Variants in HEXA observed in about 807,000 individuals in gnomAD.
HEXA encodes the protein beta-hexosaminidase subunit alpha.
A neutral mutation model predicts 73.3 loss-of-function variants in HEXA; 54 were observed. That is an observed-to-expected ratio of 0.74 (90% CI 0.59 to 0.92). HEXA has a LOEUF of 0.92. Among genes scored for constraint, HEXA ranks in the 40% least tolerant of loss-of-function variants. HEXA has a pLI of 0.00. For missense variants in HEXA, 649 were observed against 653.0 expected (o/e 0.99, Z 0.07); for synonymous variants, 230 against 246.9 (o/e 0.93, Z 0.64).
At position 72,345,629 on chromosome 15, in the gene HEXA, T is replaced by C. The variant is rs549005222; in HGVS notation, c.1422-79A>G. 3.4e-4 allele frequency: 545 copies of C among 1,580,582 alleles called. 5 individuals carry two copies. In the South Asian group the frequency reaches 6.0e-3, roughly 17 times the overall value. The stretch of plus-strand genomic sequence containing the variant: ...CTGGACATCCACAGGCTGCTACCTC[T>C]TGTCTAGGCACCCTGGACTCACTCA... On this transcript the variant is annotated intron_variant, in intron 12 of 13. Transcript: ENST00000268097.
chr15:72,344,692 C>G (rs914793122), intron 13 of HEXA, among the ~76,000 whole-genome samples: 8 of 152,178 alleles, frequency 5.3e-5, no homozygotes, highest in African/African-American at 1.9e-4. Context: ...AGAGAACCAG[C>G]TGGAAGTTAC....
Position 72,375,891 on chromosome 15 carries a change from G to A in HEXA, c.82C>T (p.Gln28Ter), listed in dbSNP as rs751393950. The stretch of plus-strand genomic sequence containing the variant: ...CGCTGGTCGGAGGTTTGGAAGTTCT[G>A]AGGCCAGGGCCAGAGGGCCGTCGCC... Reference protein sequence around the residue: ...GRATALWPWPQNFQTSDQRYV... With the variant: ...GRATALWPWP The change falls in exon 1 of 14, where the codon CAG (glutamine) becomes TAG (stop). Residue 28 changes from glutamine to a stop codon, truncating the protein, a stop_gained. Transcript: ENST00000268097. LOFTEE classifies it high-confidence loss of function. 2 of 1,614,246 alleles carry A rather than the reference G, an allele frequency of 1.2e-6. No individual in the cohort carries two copies. Among genetic ancestry groups the A allele is most frequent in the Non-Finnish European group, 1.7e-6 (2 of 1,180,052 alleles).
chr15:72,355,254 G>A (rs188991057), intron 3 of HEXA: 36 of 402,162 alleles, frequency 9.0e-5, no homozygotes, highest in East Asian at 2.2e-4. Flanking sequence ...GGCTGGGCGC[G>A]GTGGCACACA....
chr15:72,357,097 T>C (rs2088795182), intron 1 of HEXA: 1 of 253,390 alleles, frequency 3.9e-6, no homozygotes, highest in Non-Finnish European at 7.9e-6. Flanking sequence ...AGTTCTAACA[T>C]TTTTTCATAC....
intron 7 of HEXA, 71 bp downstream of exon 7, chr15:72,350,447 G>T: frequency 6.6e-7 from 1 of 1,522,148 alleles, no homozygotes; most frequent in Non-Finnish European, 9.1e-7. Flanking sequence ...CCACTTCCAT[G>T]AGCCAGTGCC....
chr15:72,341,844 A>G lies in HEXA; in HGVS notation c.*2233T>C, dbSNP rs2088557612. 6.6e-6 allele frequency: 1 copy of G among 152,236 alleles called. No individual in the cohort carries two copies. Among genetic ancestry groups the G allele is most frequent in the Non-Finnish European group, 1.5e-5 (1 of 68,040 alleles). 9.4% of individuals were successfully genotyped at this position (152,236 alleles called of 1,614,324 possible). A position where few individuals can be genotyped will look rare whatever the true frequency, so the allele number is the denominator to read the frequency against. Reference sequence around the variant, plus strand: ...GGGTGAGGAACAGCACACTTTACCAATGAAAGTCGTGACCAGGCCACGTTA... The same window carrying G: ...GGGTGAGGAACAGCACACTTTACCAGTGAAAGTCGTGACCAGGCCACGTTA... On this transcript the variant is annotated 3_prime_UTR_variant, in exon 14 of 14. Coordinates refer to ENST00000268097, the MANE Select transcript of HEXA (RefSeq NM_000520.6).
intron 5 of HEXA, 66 bp downstream of exon 5, chr15:72,353,002 T>TG (rs2088720570): frequency 3.1e-6 from 3 of 955,010 alleles, no homozygotes; most frequent in Non-Finnish European, 5.1e-6. Context: ...ATTTGGAACT[T>TG]GGTCTGTCCG....
At chr15:72,347,092 T>C (rs1230435634) in intron 10 of HEXA, among the ~76,000 whole-genome samples, 1 of 151,004 alleles carries the variant, frequency 6.6e-6, no homozygotes, top group East Asian at 1.9e-4. Context: ...ACTGGGATCT[T>C]ACTGATCAAC....
chr15:72,369,651 C>G (rs2088962799), intron 1 of HEXA, among the ~76,000 whole-genome samples: 1 of 152,192 alleles, frequency 6.6e-6, no homozygotes, highest in South Asian at 2.1e-4. Flanking sequence ...CATCCTCCCA[C>G]CTCAGCCTCT....
At chr15:72,363,295 G>A (rs2088875098) in intron 1 of HEXA, among the ~76,000 whole-genome samples, 1 of 152,218 alleles carries the variant, frequency 6.6e-6, no homozygotes, top group Non-Finnish European at 1.5e-5. Context: ...TCTAGCAGGA[G>A]AGATGAACAC....
At chr15:72,367,950 A>T (rs1161347645) in intron 1 of HEXA, among the ~76,000 whole-genome samples, 5 of 151,016 alleles carry the variant, frequency 3.3e-5, no homozygotes, top group African/African-American at 1.2e-4. Flanking sequence ...GCACTCCCAA[A>T]GTACCTTGTG....
At chr15:72,349,505 C>T (rs923644208) in intron 7 of HEXA, among the ~76,000 whole-genome samples, 7 of 152,190 alleles carry the variant, frequency 4.6e-5, no homozygotes, top group East Asian at 3.8e-4. Context: ...ACTGTCAGTG[C>T]GCACACTCTT....
At chr15:72,354,620 G>C (rs780587571) in intron 3 of HEXA, 4 of 152,300 alleles carry the variant, frequency 2.6e-5, no homozygotes, top group African/African-American at 9.7e-5. Flanking sequence ...CTTACCTCTA[G>C]CCTGACTCAC....
chr15:72,351,518 G>A (rs910391278), intron 5 of HEXA: 12 of 509,156 alleles, frequency 2.4e-5, no homozygotes, highest in African/African-American at 2.3e-4. Context: ...ACATTAAGAG[G>A]AGGGCTGCAG....
In HEXA at chr15:72,361,495, T is replaced by G. The variant is rs751030297; in HGVS notation, c.254-4878A>C. Among the ~76,000 whole-genome samples, 242 of 152,154 alleles carry G rather than the reference T, an allele frequency of 1.6e-3. 1 individual carries two copies. The highest frequency in any genetic ancestry group is 1.6e-3 in the Non-Finnish European group (111 of 68,028). On this transcript the variant is annotated intron_variant, in intron 1 of 13. Coordinates refer to ENST00000268097, the MANE Select transcript of HEXA (RefSeq NM_000520.6). ...TCTATCTTTCCAAGCCAACTCTTCT[T>G]CTGGAGCTCTAGACTTGTACACCTC...
intron 1 of HEXA, chr15:72,370,497 C>T (rs2088975542): frequency 5.1e-6 from 2 of 394,920 alleles, no homozygotes; most frequent in Non-Finnish European, 8.9e-6. Context: ...TCAAGACCAG[C>T]CTGGGCAACA....
intron 11 of HEXA, 81 bp downstream of exon 11, chr15:72,346,446 T>C: frequency 1.3e-6 from 2 of 1,530,862 alleles, no homozygotes; most frequent in South Asian, 1.1e-5. Context: ...ACTGGAAATG[T>C]CTGGCCCAGA....
At position 72,350,573 on chromosome 15, in the gene HEXA, A is replaced by G. The variant is rs2088681348; in HGVS notation, c.750T>C (p.Gly250=). 1.2e-6 allele frequency: 2 copies of G among 1,613,990 alleles called. No individual in the cohort carries two copies. Among genetic ancestry groups the G allele is most frequent in the African/African-American group, 2.7e-5 (2 of 74,998 alleles). Residue 250 remains glycine (G), a synonymous_variant, in exon 7 of 14, where the codon GGT becomes GGC. Transcript: ENST00000268097. ...TGTCAAACTCTGCAAGCACACGGAT[A>G]CCCCGGAGCCGTGCGTATTCAATGA... The part of the protein sequence containing the change: ...KEVIEYARLR[G]IRVLAEFDTP...
At chr15:72,351,396 T>C in intron 5 of HEXA, 162 bp from the exon 6 acceptor site, 2 of 684,810 alleles carry the variant, frequency 2.9e-6, no homozygotes, top group Non-Finnish European at 2.7e-6. Context: ...AACCTTCCCA[T>C]CAGGGAGGGA....
Sources: allele counts gnomAD v4.1 joint callset (sites outside exome capture counted in the v4.1 genomes callset), GRCh38; gene constraint gnomAD v4.1.1; transcripts MANE v1.5; gene names NCBI Gene and HGNC (gene_info 2026-07-23, HGNC 2026-07-21).